The following TRIM16 variants were observed in gnomAD, a reference collection of about 807,000 sequenced individuals.
The protein encoded by TRIM16 is tripartite motif-containing protein 16.
Under a neutral mutation model 50.4 loss-of-function variants are expected in TRIM16, and 33 were observed. That is an observed-to-expected ratio of 0.65 (90% CI 0.50 to 0.88). The LOEUF (loss-of-function observed/expected upper bound fraction) is 0.88, where lower values mean the gene tolerates loss of function less well. Ranked by LOEUF, TRIM16 falls within the 40% of genes least tolerant of loss-of-function variation. TRIM16 has a pLI of 0.00. For missense variants in TRIM16, 581 were observed against 686.8 expected (o/e 0.85, Z 1.72); for synonymous variants, 229 against 270.7 (o/e 0.85, Z 1.51).
chr17:15,637,593 G>A (rs1342656979), intron 8 of TRIM16, among the ~76,000 whole-genome samples: 17 of 142,318 alleles, frequency 1.2e-4, no homozygotes, highest in South Asian at 4.5e-4. Flanking sequence ...CCCCCCGCCC[G>A]GCCAGCCGCC....
chr17:15,657,357 C>T (rs927057289), intron 6 of TRIM16, among the ~76,000 whole-genome samples: 1 of 152,186 alleles, frequency 6.6e-6, no homozygotes, highest in African/African-American at 2.4e-5. Flanking sequence ...CCATCTCCAC[C>T]TCCCAAGTAG....
Position 15,628,700 on chromosome 17 carries a change from G to C in TRIM16, c.1610C>G (p.Ser537Cys), listed in dbSNP as rs747284149. ...SEPVYAAFWL[S>C]KKENAIRIVD... ...AATCCGGATGGCGTTTTCCTTCTTG[G>C]AAAGCCAGAAGGCAGCATAGACTGG... The change falls in exon 12 of 12, where the codon TCC becomes TGC. Residue 537 changes from serine to cysteine, a missense_variant. This residue lies in a region of TRIM16 where 115 missense variants were observed against 106.7 expected (regional missense o/e 1.08). Coordinates refer to ENST00000649191, the MANE Select transcript of TRIM16 (RefSeq NM_001348119.1). 17 of 1,614,064 alleles carry C rather than the reference G, an allele frequency of 1.1e-5. No individual in the cohort carries two copies. The South Asian group carries it at 1.5e-4, about 15-fold the overall frequency.
chr17:15,678,232 G>T (rs56282519), intron 4 of TRIM16, among the ~76,000 whole-genome samples: 1 of 149,762 alleles, frequency 6.7e-6, no homozygotes, highest in African/African-American at 2.5e-5. Context: ...AAAAAAAAAA[G>T]AAAACTATCA....
At chr17:15,652,871 G>A (rs1277077814) in intron 6 of TRIM16, among the ~76,000 whole-genome samples, 1 of 152,174 alleles carries the variant, frequency 6.6e-6, no homozygotes. Flanking sequence ...TGGAGATCAG[G>A]AGGGTCAGGG....
chr17:15,674,639 A>G (rs1315943647), intron 6 of TRIM16, among the ~76,000 whole-genome samples: 2 of 152,158 alleles, frequency 1.3e-5, no homozygotes, highest in African/African-American at 4.8e-5. Context: ...AATGCTCTCC[A>G]GCCCCATTCC....
intron 8 of TRIM16, among the ~76,000 whole-genome samples, chr17:15,637,115 T>TTG (rs1478327972): frequency 8.9e-5 from 6 of 67,442 alleles, no homozygotes; most frequent in Non-Finnish European, 1.7e-4. Context: ...GGGAGGGAGG[T>TTG]GGGGGGGGGG....
intron 7 of TRIM16, among the ~76,000 whole-genome samples, chr17:15,647,723 C>T (rs1987464920): frequency 6.6e-6 from 1 of 151,988 alleles, no homozygotes; most frequent in South Asian, 2.1e-4. Context: ...CACTCAGTAA[C>T]ATTTGATACG....
intron 7 of TRIM16, among the ~76,000 whole-genome samples, chr17:15,643,707 T>A (rs1354215945): frequency 6.6e-6 from 1 of 152,078 alleles, no homozygotes; most frequent in Non-Finnish European, 1.5e-5. Context: ...TTTGTCAACA[T>A]AGGTAAACAT....
chr17:15,634,298 T>C (rs112122799), intron 9 of TRIM16, among the ~76,000 whole-genome samples: 3 of 126,548 alleles, frequency 2.4e-5, no homozygotes, highest in African/African-American at 3.0e-5. Context: ...CATTGCACTC[T>C]GGCCTGGGCG....
At chr17:15,667,541 T>C (rs981423465) in intron 6 of TRIM16, among the ~76,000 whole-genome samples, 3 of 152,122 alleles carry the variant, frequency 2.0e-5, no homozygotes, top group Non-Finnish European at 2.9e-5. Flanking sequence ...GCTTTTTTTT[T>C]CCCCCAGAGA....
At chr17:15,652,067 AC>A in intron 6 of TRIM16, 121 bp from the exon 7 acceptor site, 1 of 719,648 alleles carries the variant, frequency 1.4e-6, no homozygotes, top group Non-Finnish European at 1.7e-6. Context: ...GGACTTCAAC[AC>A]CAGGACAGCC....
chr17:15,659,348 A>G (rs1488079534), intron 6 of TRIM16, among the ~76,000 whole-genome samples: 2 of 152,168 alleles, frequency 1.3e-5, no homozygotes, highest in Non-Finnish European at 2.9e-5. Flanking sequence ...ATCACTTCTC[A>G]GACCACCCAA....
In TRIM16 at chr17:15,651,752, G is replaced by C; in HGVS notation, c.-143C>G. On this transcript the variant is annotated 5_prime_UTR_variant, in exon 7 of 12. Transcript: ENST00000649191. ...GTTTCCTCCCTCCCAGAGGAAGCTC[G>C]GCCACTCATTACTGTGTGCTGGCGC... 6.6e-7 allele frequency: 1 copy of C among 1,512,974 alleles called. No homozygotes were observed. Among genetic ancestry groups the C allele is most frequent in the Non-Finnish European group, 8.8e-7 (1 of 1,136,340 alleles). 93.7% of individuals were successfully genotyped at this position (1,512,974 alleles called of 1,614,324 possible).
intron 11 of TRIM16, among the ~76,000 whole-genome samples, chr17:15,629,728 T>C (rs925990222): frequency 6.6e-6 from 1 of 152,190 alleles, no homozygotes; most frequent in Non-Finnish European, 1.5e-5. Flanking sequence ...ACCCCATTGC[T>C]CAAGTCAAGC....
intron 7 of TRIM16, among the ~76,000 whole-genome samples, chr17:15,647,769 G>A (rs568022836): frequency 3.1e-4 from 46 of 150,504 alleles, no homozygotes; most frequent in Admixed American, 1.1e-3. Context: ...CTGCTTCATG[G>A]GTCAGAACAA....
chr17:15,677,667 A>G lies in TRIM16; in HGVS notation c.-535T>C. The G allele has an allele frequency of 9.7e-7, 1 of 1,032,392 alleles. No homozygotes were observed. The highest frequency in any genetic ancestry group is 1.2e-6 in the Non-Finnish European group (1 of 853,404). 64.0% of individuals were successfully genotyped at this position (1,032,392 alleles called of 1,614,324 possible). On this transcript the variant is annotated 5_prime_UTR_variant, in exon 5 of 12. Coordinates refer to ENST00000649191, the MANE Select transcript of TRIM16 (RefSeq NM_001348119.1). ...CAGTTCTCTCCATTCTTCCTAGTGA[A>G]GTTCACAGCCACATCCTTGAATGAC... is the stretch of plus-strand genomic sequence containing the variant.
intron 4 of TRIM16, among the ~76,000 whole-genome samples, chr17:15,678,017 A>C (rs1177910142): frequency 6.6e-6 from 1 of 152,146 alleles, no homozygotes; most frequent in Non-Finnish European, 1.5e-5. Flanking sequence ...GGAGATCGAG[A>C]CCATCCTGGC....
intron 7 of TRIM16, among the ~76,000 whole-genome samples, chr17:15,644,624 C>T (rs1401893461): frequency 1.3e-5 from 2 of 152,070 alleles, no homozygotes; most frequent in African/African-American, 4.8e-5. Flanking sequence ...AAGTCAAACC[C>T]TTTCATCATA....
intron 11 of TRIM16, 93 bp from the exon 12 acceptor site, chr17:15,629,291 T>A: frequency 1.4e-6 from 1 of 703,622 alleles, no homozygotes; most frequent in Non-Finnish European, 2.4e-6. Context: ...AAAGCACATA[T>A]GAGAAAACAT....
Sources: allele counts gnomAD v4.1 joint callset (sites outside exome capture counted in the v4.1 genomes callset), GRCh38; gene constraint gnomAD v4.1.1; regional missense constraint gnomAD v4.1.1; transcripts MANE v1.5; gene names NCBI Gene and HGNC (gene_info 2026-07-23, HGNC 2026-07-21).